The following GLIS3 variants were observed in gnomAD, a reference collection of about 807,000 sequenced individuals.
The protein encoded by GLIS3 is zinc finger protein GLIS3.
Under a neutral mutation model 78.6 loss-of-function variants are expected in GLIS3, and 53 were observed. The observed-to-expected ratio is 0.67, with a 90% CI of 0.54 to 0.85. The LOEUF is 0.85. Among genes scored for constraint, GLIS3 ranks in the 40% least tolerant of loss-of-function variants. The pLI is 0.00. For missense variants in GLIS3, 1,703 were observed against 1,231.1 expected, an observed-to-expected ratio of 1.38 and a Z score of -5.74; for synonymous variants, 684 against 509.9, an observed-to-expected ratio of 1.34 and a Z score of -4.60.
chr9:4,312,379 A>C (rs1379136998), intron 2 of GLIS3, among the ~76,000 whole-genome samples: 1 of 152,120 alleles, frequency 6.6e-6, no homozygotes, highest in Non-Finnish European at 1.5e-5. Flanking sequence ...GGGGTAGGAG[A>C]ATCACTTGAA....
intron 2 of GLIS3, among the ~76,000 whole-genome samples, chr9:4,188,321 C>T (rs997677473): frequency 1.1e-4 from 16 of 148,720 alleles, no homozygotes; most frequent in Admixed American, 2.7e-4. Flanking sequence ...TATATTGAAC[C>T]AGCCTTGCAT....
Position 3,836,921 on chromosome 9 carries a change from GC to G in GLIS3, c.2474-7430del, listed in dbSNP as rs1818388899. On this transcript the variant is annotated intron_variant, in intron 9 of 10. Coordinates refer to ENST00000381971, the MANE Select transcript of GLIS3 (RefSeq NM_001042413.2). Reference sequence around the variant, plus strand: ...TCTCAGCATTCTGCTTGTTAGTTAAGCCAGAGCAAATGAAGGACAACAATCC... The same window carrying G: ...TCTCAGCATTCTGCTTGTTAGTTAAGCAGAGCAAATGAAGGACAACAATCC... Among the ~76,000 whole-genome samples, 26 of 152,262 alleles carry G rather than the reference GC, an allele frequency of 1.7e-4. No individual in the cohort carries two copies. In the South Asian group the frequency reaches 5.4e-3, roughly 32 times the overall value.
chr9:3,848,360 G>T (rs991608502), intron 9 of GLIS3, among the ~76,000 whole-genome samples: 5 of 152,056 alleles, frequency 3.3e-5, no homozygotes, highest in African/African-American at 1.2e-4. Flanking sequence ...AAATTAGCTG[G>T]GCGTGGTGGC....
the GLIS3 span, among the ~76,000 whole-genome samples, chr9:4,415,996 TG>T: frequency 6.6e-6 from 1 of 150,572 alleles, no homozygotes; most frequent in African/African-American, 2.4e-5. Flanking sequence ...TTATATACAT[TG>T]TTTATATATG....
intron 1 of GLIS3, among the ~76,000 whole-genome samples, chr9:4,347,930 G>A (rs1418046516): frequency 1.3e-5 from 2 of 152,166 alleles, no homozygotes; most frequent in African/African-American, 2.4e-5. Context: ...TTTAGGATAT[G>A]TGTATTCTTA....
chr9:3,869,188 A>G (rs542823740), intron 8 of GLIS3, among the ~76,000 whole-genome samples: 1 of 152,298 alleles, frequency 6.6e-6, no homozygotes, highest in African/African-American at 2.4e-5. Context: ...GTAGATTTTG[A>G]TATGCTTAAT....
intron 2 of GLIS3, among the ~76,000 whole-genome samples, chr9:4,251,144 C>T (rs947203037): frequency 3.3e-5 from 5 of 152,160 alleles, no homozygotes; most frequent in Non-Finnish European, 7.4e-5. Flanking sequence ...GAGCTGAGTT[C>T]AAGTCCTGAA....
At chr9:4,319,982 GTT>G (rs1563931489) in intron 2 of GLIS3, among the ~76,000 whole-genome samples, 2 of 117,114 alleles carry the variant, frequency 1.7e-5, no homozygotes, top group East Asian at 2.5e-4. Flanking sequence ...AGTAGAGGGG[GTT>G]GTGTGTGTGT....
At position 4,125,788 on chromosome 9, in the gene GLIS3, C is replaced by T; in HGVS notation, c.542G>A (p.Ser181Asn). The T allele has an allele frequency of 6.2e-7, 1 of 1,614,108 alleles. No individual in the cohort carries two copies. The highest frequency in any genetic ancestry group is 8.5e-7 in the Non-Finnish European group (1 of 1,180,002). The part of the protein sequence containing the change: ...VSTACNQISP[S>N]LQRAMNAANL... The stretch of plus-strand genomic sequence containing the variant: ...GGCTGCATTCATTGCCCTCTGTAAG[C>T]TAGGACTGATCTGGTTGCATGCTGT... The change falls in exon 3 of 11, where the codon AGC becomes AAC. Residue 181 changes from serine to asparagine, a missense_variant. By Grantham distance (46) the Ser-to-Asn change is conservative (BLOSUM62 1). Coordinates refer to ENST00000381971, the MANE Select transcript of GLIS3 (RefSeq NM_001042413.2).
At chr9:4,013,754 G>T (rs1822221859) in intron 4 of GLIS3, among the ~76,000 whole-genome samples, 1 of 152,194 alleles carries the variant, frequency 6.6e-6, no homozygotes, top group African/African-American at 2.4e-5. Flanking sequence ...TAGAGTCTGA[G>T]GGGCAGAACT....
chr9:4,318,359 G>T (rs987638628), intron 2 of GLIS3, among the ~76,000 whole-genome samples: 1 of 152,142 alleles, frequency 6.6e-6, no homozygotes, highest in African/African-American at 2.4e-5. Context: ...AGGGCCCAGA[G>T]TTTCGTTTCT....
chr9:4,085,381 C>G (rs934764923), intron 4 of GLIS3, among the ~76,000 whole-genome samples: 2 of 151,954 alleles, frequency 1.3e-5, no homozygotes, highest in Non-Finnish European at 2.9e-5. Flanking sequence ...TTGCTGGTGT[C>G]TTCCTGTACC....
At chr9:3,898,586 A>G in intron 7 of GLIS3, 105 bp downstream of exon 7, 1 of 1,368,796 alleles carries the variant, frequency 7.3e-7, no homozygotes, top group Non-Finnish European at 1.0e-6. Context: ...AAAGAACAAC[A>G]CAGACGATCT....
chr9:3,855,983 C>G, intron 9 of GLIS3, 26 bp downstream of exon 9: 2 of 1,613,514 alleles, frequency 1.2e-6, no homozygotes, highest in South Asian at 2.2e-5. Context: ...TTTCAAAACT[C>G]AAGGGACTGC....
the GLIS3 span, among the ~76,000 whole-genome samples, chr9:4,446,940 C>T: frequency 6.6e-6 from 1 of 152,138 alleles, no homozygotes; most frequent in Non-Finnish European, 1.5e-5. Context: ...GTTCAACAAA[C>T]ACATACACCA....
intron 1 of GLIS3, among the ~76,000 whole-genome samples, chr9:4,290,373 A>T (rs187910153): frequency 3.7e-4 from 56 of 152,276 alleles, no homozygotes; most frequent in African/African-American, 1.3e-3. Context: ...GCCATCTACA[A>T]TAAGAGTTTT....
chr9:4,039,085 G>C (rs1256619046), intron 4 of GLIS3, among the ~76,000 whole-genome samples: 1 of 152,114 alleles, frequency 6.6e-6, no homozygotes, highest in African/African-American at 2.4e-5. Context: ...ATAAGCCTGG[G>C]CACCATACGT....
intron 4 of GLIS3, among the ~76,000 whole-genome samples, chr9:4,080,444 T>C (rs1045702960): frequency 6.6e-6 from 1 of 152,198 alleles, no homozygotes; most frequent in Non-Finnish European, 1.5e-5. Flanking sequence ...AAAAAATGCA[T>C]GATGAACAAA....
At chr9:4,139,616 T>C (rs1435907182) in intron 2 of GLIS3, among the ~76,000 whole-genome samples, 1 of 152,158 alleles carries the variant, frequency 6.6e-6, no homozygotes, top group African/African-American at 2.4e-5. Context: ...CCCAACCTTT[T>C]TGGCCCCAGG....
Sources: gnomAD v4.1 joint callset for allele counts (sites outside exome capture counted in the v4.1 genomes callset) on GRCh38, gnomAD v4.1.1 for gene constraint, MANE v1.5 for transcripts, NCBI Gene and HGNC (gene_info 2026-07-23, HGNC 2026-07-21) for gene names.